Variants in DIP2B observed in about 807,000 individuals in gnomAD.
The protein encoded by DIP2B is DIP2 acetate--CoA ligase B (putative).
DIP2B carries 76 observed loss-of-function variants against 198.0 expected under a neutral mutation model. That is an observed-to-expected ratio of 0.38 (90% CI 0.32 to 0.46). DIP2B has a LOEUF of 0.46. DIP2B is among the 20% of genes least tolerant of loss of function. The probability of loss-of-function intolerance (pLI) is 0.99; values close to 1 mark genes in which losing one functional copy is unlikely to be tolerated. For missense variants in DIP2B, 1,559 were observed against 1,978.4 expected (o/e 0.79, Z 4.02); for synonymous variants, 701 against 739.1 (o/e 0.95, Z 0.84).
chr12:50,601,832 A>T (rs952720564), intron 1 of DIP2B, among the ~76,000 whole-genome samples: 1 of 152,114 alleles, frequency 6.6e-6, no homozygotes, highest in Non-Finnish European at 1.5e-5. Flanking sequence ...ATCTTACCCT[A>T]TCTCATGCCC....
chr12:50,578,804 G>A lies in DIP2B; in HGVS notation c.101-47172G>A, dbSNP rs1389432152. Among the ~76,000 whole-genome samples, 5 of 152,218 alleles carry A rather than the reference G, an allele frequency of 3.3e-5. No individual in the cohort carries two copies. In the East Asian group the frequency reaches 5.8e-4, roughly 18 times the overall value. ...ATTACAAGCATAAGCCACCGCGCCC[G>A]GCCTGTTTGCTCTTTTATACTGTGT... On this transcript the variant is annotated intron_variant, in intron 1 of 37. Transcript: ENST00000301180.
chr12:50,709,637 C>CAA (rs60753279), intron 22 of DIP2B, among the ~76,000 whole-genome samples: 3 of 128,140 alleles, frequency 2.3e-5, no homozygotes, highest in African/African-American at 6.0e-5. Context: ...GACTCTGTCT[C>CAA]AAAAAAAAAA....
intron 34 of DIP2B, 50 bp from the exon 35 acceptor site, chr12:50,736,986 T>A: frequency 3.2e-6 from 5 of 1,580,610 alleles, no homozygotes; most frequent in Non-Finnish European, 4.3e-6. Flanking sequence ...TTCCTGGAGG[T>A]CATTAGATTT....
intron 3 of DIP2B, among the ~76,000 whole-genome samples, chr12:50,658,283 C>T (rs1041488530): frequency 6.6e-5 from 10 of 151,964 alleles, no homozygotes; most frequent in African/African-American, 1.7e-4. Context: ...ATTACAGGTG[C>T]GTGCTACCAT....
chr12:50,661,182 T>G (rs2139512294), intron 4 of DIP2B, among the ~76,000 whole-genome samples: 1 of 152,310 alleles, frequency 6.6e-6, no homozygotes. Flanking sequence ...CCTTTGAGAC[T>G]AAACATAGTA....
chr12:50,617,434 C>T (rs1248311898), intron 1 of DIP2B, among the ~76,000 whole-genome samples: 8 of 151,852 alleles, frequency 5.3e-5, no homozygotes, highest in South Asian at 2.1e-4. Context: ...GGATTACAGG[C>T]GTGAGCCACC....
rs1958447030 is a variant in DIP2B at position 50,553,855 on chromosome 12, T to C, written c.100+48615T>C. Among the ~76,000 whole-genome samples, 9 of 152,138 alleles carry C rather than the reference T, an allele frequency of 5.9e-5. No individual in the cohort carries two copies. In the South Asian group the frequency reaches 1.9e-3, roughly 32 times the overall value. On this transcript the variant is annotated intron_variant, in intron 1 of 37. Coordinates refer to ENST00000301180, the MANE Select transcript of DIP2B (RefSeq NM_173602.3). ...TTTTTGTGGAGATGAGGTCTTGTTA[T>C]GTTGCCCTGGCTGGTCTTGAACTCC...
intron 1 of DIP2B, among the ~76,000 whole-genome samples, chr12:50,520,855 A>G (rs1219234732): frequency 6.6e-6 from 1 of 151,874 alleles, no homozygotes; most frequent in Non-Finnish European, 1.5e-5. Context: ...CTTTTTTCTT[A>G]CTAGTATCTG....
At chr12:50,525,357 CA>C (rs71083585) in intron 1 of DIP2B, among the ~76,000 whole-genome samples, 88,830 of 105,816 alleles carry the variant, frequency 0.84, 37,511 homozygotes, top group Non-Finnish European at 0.93. Context: ...GACTCCATCT[CA>C]AAAAAAAAAA....
intron 23 of DIP2B, among the ~76,000 whole-genome samples, chr12:50,718,480 G>A (rs914113394): frequency 6.6e-6 from 1 of 152,064 alleles, no homozygotes; most frequent in African/African-American, 2.4e-5. Context: ...TTTTTTTCCA[G>A]TACTTTGCAC....
chr12:50,717,969 G>T (rs566436981), intron 23 of DIP2B, among the ~76,000 whole-genome samples: 1 of 125,954 alleles, frequency 7.9e-6, no homozygotes, highest in Non-Finnish European at 1.6e-5. Flanking sequence ...GCACGATTTC[G>T]GCTCACTGCA....
rs1236301679 is a variant in DIP2B, at chr12:50,687,476, TG to T, written c.1551+799del. 2.0e-5 allele frequency among the ~76,000 whole-genome samples: 3 copies of T among 152,052 alleles called. No individual in the cohort carries two copies. The East Asian group carries it at 5.8e-4, about 29-fold the overall frequency. On this transcript the variant is annotated intron_variant, in intron 12 of 37. Coordinates refer to ENST00000301180, the MANE Select transcript of DIP2B (RefSeq NM_173602.3). ...ATCAATAAAAATTTTTTTCAAGATC[TG>T]GGGGAAAATCATCTAGCCTTGAACA...
chr12:50,648,468 AT>A (rs1414823226), intron 3 of DIP2B, among the ~76,000 whole-genome samples: 1 of 151,920 alleles, frequency 6.6e-6, no homozygotes, highest in African/African-American at 2.4e-5. Context: ...GGTTCACGCC[AT>A]TCTCCTGCCT....
At chr12:50,614,122 C>G (rs770821459) in intron 1 of DIP2B, among the ~76,000 whole-genome samples, 1 of 152,206 alleles carries the variant, frequency 6.6e-6, no homozygotes, top group African/African-American at 2.4e-5. Flanking sequence ...CTTACTCATT[C>G]TTCAGTGTCC....
At chr12:50,648,875 G>A (rs929450548) in intron 3 of DIP2B, among the ~76,000 whole-genome samples, 3 of 152,168 alleles carry the variant, frequency 2.0e-5, no homozygotes, top group Admixed American at 1.3e-4. Context: ...TAGAAAACTC[G>A]AGAGAATCAA....
chr12:50,589,277 C>G (rs1958798667), intron 1 of DIP2B, among the ~76,000 whole-genome samples: 2 of 150,054 alleles, frequency 1.3e-5, no homozygotes, highest in African/African-American at 4.9e-5. Context: ...CTCTTTTGCC[C>G]AGGCTGGAGT....
At position 50,698,438 on chromosome 12, in the gene DIP2B, T is replaced by G. The variant is rs1939357468; in HGVS notation, c.2159T>G (p.Val720Gly). 1 of 1,613,738 alleles carries G rather than the reference T, an allele frequency of 6.2e-7. No individual in the cohort carries two copies. The highest frequency in any genetic ancestry group is 8.5e-7 in the Non-Finnish European group (1 of 1,179,866). Residue 720 changes from valine (V) to glycine (G), a missense_variant, in exon 18 of 38, where the codon GTC becomes GGC. Val to Gly is a moderately radical substitution (Grantham distance 109, BLOSUM62 -3). Transcript: ENST00000301180. ...NTEDKNSALTVQDVGHVMPGG... is the reference protein window; with the variant it reads ...NTEDKNSALTGQDVGHVMPGG... ...GAAGATAAAAATTCAGCACTGACGG[T>G]CCAGGATGTAGGGCATGTAATGCCT... is the stretch of plus-strand genomic sequence containing the variant.
intron 3 of DIP2B, among the ~76,000 whole-genome samples, chr12:50,656,318 A>G (rs1007507979): frequency 1.3e-5 from 2 of 152,222 alleles, no homozygotes; most frequent in African/African-American, 2.4e-5. Context: ...TCCTTGAAGA[A>G]AGGTATAATT....
intron 1 of DIP2B, among the ~76,000 whole-genome samples, chr12:50,515,850 C>CT (rs1958058919): frequency 6.6e-6 from 1 of 152,176 alleles, no homozygotes; most frequent in South Asian, 2.1e-4. Context: ...TAAAACAACT[C>CT]TGTTTCAACT....
Sources: allele counts gnomAD v4.1 joint callset (sites outside exome capture counted in the v4.1 genomes callset), GRCh38; gene constraint gnomAD v4.1.1; transcripts MANE v1.5; gene names NCBI Gene and HGNC (gene_info 2026-07-23, HGNC 2026-07-21).